The following CCDC88A variants were observed in gnomAD, a reference collection of about 807,000 sequenced individuals.
CCDC88A encodes the protein girdin.
CCDC88A carries 54 observed loss-of-function variants against 234.3 expected under a neutral mutation model. That is an observed-to-expected ratio of 0.23 (90% CI 0.19 to 0.29). The LOEUF is 0.29. CCDC88A is among the 10% of genes least tolerant of loss of function. CCDC88A has a pLI of 1.00. For missense variants in CCDC88A, 1,832 were observed against 2,123.4 expected, an observed-to-expected ratio of 0.86 and a Z score of 2.70; for synonymous variants, 753 against 737.8, an observed-to-expected ratio of 1.02 and a Z score of -0.33.
rs200025284 is a variant in CCDC88A, at chr2:55,332,628, C to T, written c.2793G>A (p.Glu931=). The T allele has an allele frequency of 5.2e-5, 84 of 1,613,560 alleles. 1 individual carries two copies. The Admixed American group carries it at 1.3e-3, about 26-fold the overall frequency. ...MNNDLEKLTH[E]LEKIGLNKER... is the part of the protein sequence containing the mutation. ...CCTTATTTAACCCTATCTTCTCAAGCTCATGAGTTAATTTTTCGAGATCAT... is the reference window on the plus strand; with the variant it reads ...CCTTATTTAACCCTATCTTCTCAAGTTCATGAGTTAATTTTTCGAGATCAT... Residue 931 remains glutamate (E), a synonymous_variant, in exon 16 of 33, where the codon GAG becomes GAA. Coordinates refer to ENST00000436346, the MANE Select transcript of CCDC88A (RefSeq NM_001365480.1). This position sits in a 1 kb window ranked among gnomAD's most constrained non-coding sequence, Gnocchi z 4.5.
At chr2:55,291,902 T>G (rs1679482870) in intron 31 of CCDC88A, 127 bp from the exon 32 acceptor site, 1 of 600,600 alleles carries the variant, frequency 1.7e-6, no homozygotes, top group South Asian at 2.3e-5. Context: ...GGAAAATTAT[T>G]AATCTCATAG....
chr2:55,390,041 AAAAAAAAAT>A (rs1413755632), intron 2 of CCDC88A, among the ~76,000 whole-genome samples: 1 of 139,558 alleles, frequency 7.2e-6, no homozygotes, highest in Non-Finnish European at 1.5e-5. Flanking sequence ...ACTCAAAAAA[AAAAAAAAAT>A]AAAAAATAAA....
chr2:55,329,255 T>TA (rs1416490044), intron 16 of CCDC88A: 2 of 152,184 alleles, frequency 1.3e-5, no homozygotes, highest in Non-Finnish European at 2.9e-5. Flanking sequence ...AAAAGGATGG[T>TA]ATATGAACAC....
intron 2 of CCDC88A, chr2:55,399,664 A>C (rs1402216049): frequency 1.3e-5 from 2 of 152,152 alleles, no homozygotes; most frequent in Non-Finnish European, 2.9e-5. Context: ...TTTTTTAAGG[A>C]CTTTTTATTG....
intron 5 of CCDC88A, among the ~76,000 whole-genome samples, chr2:55,365,026 C>T (rs941640466): frequency 6.6e-5 from 10 of 152,214 alleles, no homozygotes; most frequent in Admixed American, 1.3e-4. Flanking sequence ...TTATGCTTTA[C>T]GTGTTTATTT....
chr2:55,317,412 AAATGAGT>A lies in CCDC88A; in HGVS notation c.3603-70_3603-64del, dbSNP rs1683125727. 10 of 1,298,004 alleles carry A rather than the reference AAATGAGT, an allele frequency of 7.7e-6. No homozygotes were observed. The highest frequency in any genetic ancestry group is 5.2e-5 in the Admixed American group (2 of 38,724). The allele number at this position is 1,298,004 out of a possible 1,614,324, so 80.4% of individuals were successfully genotyped here. A position where few individuals can be genotyped will look rare whatever the true frequency, so the allele number is the denominator to read the frequency against. On this transcript the variant is annotated intron_variant, in intron 20 of 32. Transcript: ENST00000436346. This position sits in a 1 kb window ranked among gnomAD's most constrained non-coding sequence, Gnocchi z 4.2. The stretch of plus-strand genomic sequence containing the variant: ...AAAAAAGAAATTTTAGAAATGAAGG[AAATGAGT>A]AATGAGTATCATTTAAAACACATGT...
At chr2:55,392,263 G>A (rs1676772186) in intron 2 of CCDC88A, among the ~76,000 whole-genome samples, 1 of 152,094 alleles carries the variant, frequency 6.6e-6, no homozygotes, top group African/African-American at 2.4e-5. Context: ...GTGTAGTAGG[G>A]CAAGACGCCC....
chr2:55,362,801 T>C (rs1671492577), intron 6 of CCDC88A, among the ~76,000 whole-genome samples: 1 of 152,036 alleles, frequency 6.6e-6, no homozygotes, highest in Non-Finnish European at 1.5e-5. Flanking sequence ...TGTACTTGAA[T>C]TCAAGAGCAA....
At chr2:55,406,124 C>T (rs569735398) in intron 2 of CCDC88A, 1 of 148,664 alleles carries the variant, frequency 6.7e-6, no homozygotes, top group Non-Finnish European at 1.5e-5. Flanking sequence ...GGCCACTGCA[C>T]TCCAGTAGCC....
chr2:55,334,711 A>C lies in CCDC88A; in HGVS notation c.2110T>G (p.Leu704Val), dbSNP rs1430355664. Residue 704 changes from leucine (L) to valine (V), a missense_variant, in exon 15 of 33, where the codon TTA becomes GTA. Around this residue, in one of 6 missense-constraint regions of CCDC88A, gnomAD observed 1,282 missense variants for 1,543.6 expected, o/e 0.83. Coordinates refer to ENST00000436346, the MANE Select transcript of CCDC88A (RefSeq NM_001365480.1). The surrounding 1 kb of genome is among the most constrained non-coding windows in gnomAD (Gnocchi z 6.1). ...GATTCTACATTCCTTCGCAGTTCTA[A>C]GTTTTCCTCATCAAGTTGGGAATTC... ...KENSQLDEEN[L>V]ELRRNVESLK... is the part of the protein sequence containing the mutation. 1.9e-6 allele frequency: 3 copies of C among 1,613,158 alleles called. No homozygotes were observed. The highest frequency in any genetic ancestry group is 3.3e-5 in the Admixed American group (2 of 59,950).
rs559276603 is a variant in CCDC88A, at chr2:55,365,029, GTTTAT to G, written c.403-1001_403-997del. 4.5e-4 allele frequency among the ~76,000 whole-genome samples: 69 copies of G among 152,210 alleles called. No individual in the cohort carries two copies. In the South Asian group the frequency reaches 5.4e-3, roughly 12 times the overall value. On this transcript the variant is annotated intron_variant, in intron 5 of 32. Transcript: ENST00000436346. Reference sequence around the variant, plus strand: ...TAAGGCTCTGATTTATGCTTTACGTGTTTATTTTATCAAACTGTAATGCTATATTT... The same window carrying G: ...TAAGGCTCTGATTTATGCTTTACGTGTTTATCAAACTGTAATGCTATATTT...
rs965461173 is a variant in CCDC88A, at chr2:55,335,572, G to A, written c.1657-408C>T. On this transcript the variant is annotated intron_variant, in intron 14 of 32. Coordinates refer to ENST00000436346, the MANE Select transcript of CCDC88A (RefSeq NM_001365480.1). This position sits in a 1 kb window ranked among gnomAD's most constrained non-coding sequence, Gnocchi z 4.5. ...CTAAGTAACCTTTGCAATGCCTACAGTGGGTCCTCAGTAAATATGTGCTGT... is the reference window on the plus strand; with the variant it reads ...CTAAGTAACCTTTGCAATGCCTACAATGGGTCCTCAGTAAATATGTGCTGT... Among the ~76,000 whole-genome samples, 11 of 152,250 alleles carry A rather than the reference G, an allele frequency of 7.2e-5. No individual in the cohort carries two copies. The highest frequency in any genetic ancestry group is 2.4e-4 in the African/African-American group (10 of 41,546).
At chr2:55,349,021 T>C (rs1298280959) in intron 9 of CCDC88A, 1 of 152,522 alleles carries the variant, frequency 6.6e-6, no homozygotes, top group African/African-American at 2.4e-5. Context: ...AAAAGTGAAC[T>C]ATTAATTACT....
chr2:55,358,712 T>C (rs1174757256), intron 7 of CCDC88A, among the ~76,000 whole-genome samples: 1 of 152,122 alleles, frequency 6.6e-6, no homozygotes, highest in Non-Finnish European at 1.5e-5. Flanking sequence ...AACATTTCCA[T>C]TTCTTTCTTC....
At chr2:55,394,411 T>C (rs970096966) in intron 2 of CCDC88A, 3 of 152,150 alleles carry the variant, frequency 2.0e-5, no homozygotes, top group African/African-American at 4.8e-5. Context: ...TGTGTCTTTA[T>C]AGCAGCATGA....
chr2:55,363,620 C>A (rs999914171), intron 6 of CCDC88A: 12 of 182,794 alleles, frequency 6.6e-5, no homozygotes, highest in Non-Finnish European at 1.1e-4. Flanking sequence ...ACCTCACTAT[C>A]GTTTTGAATT....
At chr2:55,402,079 T>A (rs572713625) in intron 2 of CCDC88A, among the ~76,000 whole-genome samples, 57 of 152,250 alleles carry the variant, frequency 3.7e-4, no homozygotes, top group African/African-American at 1.4e-3. Context: ...AACCCCTTTT[T>A]ACTCTTTAAA....
intron 12 of CCDC88A, among the ~76,000 whole-genome samples, chr2:55,343,113 G>A (rs570915516): frequency 1.3e-5 from 2 of 152,162 alleles, no homozygotes; most frequent in South Asian, 2.1e-4. Flanking sequence ...ATTTACCTGG[G>A]GGATCTTACA....
At chr2:55,295,292 C>G in intron 31 of CCDC88A, 5 of 1,414,120 alleles carry the variant, frequency 3.5e-6, no homozygotes, top group Non-Finnish European at 4.7e-6. Context: ...TGATAACTGG[C>G]CTAGGAGGTA....
Sources: gnomAD v4.1 joint callset for allele counts (sites outside exome capture counted in the v4.1 genomes callset) on GRCh38, gnomAD v4.1.1 for gene constraint, gnomAD v4.1.1 regional missense constraint, Gnocchi (gnomAD v3.1) non-coding constraint, MANE v1.5 for transcripts, NCBI Gene and HGNC (gene_info 2026-07-23, HGNC 2026-07-21) for gene names.